The following ZNF841 variants were observed in gnomAD, a reference collection of about 807,000 sequenced individuals.
ZNF841 encodes the protein zinc finger protein 841, also known as TCONS_00006091.
In ZNF841, 11 loss-of-function variants were observed where a neutral mutation model predicts 13.0. The observed-to-expected ratio is 0.85, with a 90% CI of 0.53 to 1.40. ZNF841 has a LOEUF of 1.40. ZNF841 is among the 40% of genes most tolerant of loss of function. The probability of loss-of-function intolerance (pLI) is 0.00; values close to 1 mark genes in which losing one functional copy is unlikely to be tolerated. For missense variants in ZNF841, 1,068 were observed against 1,139.5 expected (o/e 0.94, Z 0.90); for synonymous variants, 369 against 381.6 (o/e 0.97, Z 0.38).
Position 52,065,070 on chromosome 19 carries a change from A to G in ZNF841, c.*37T>C. 7.0e-7 allele frequency: 1 copy of G among 1,434,046 alleles called. No homozygotes were observed. Among genetic ancestry groups the G allele is most frequent in the South Asian group, 1.5e-5 (1 of 64,800 alleles). 88.8% of individuals were successfully genotyped at this position (1,434,046 alleles called of 1,614,324 possible). A position where few individuals can be genotyped will look rare whatever the true frequency, so the allele number is the denominator to read the frequency against. Reference sequence around the variant, plus strand: ...CAATTCCACATGAGACTTCAAAGGGAAAGGACAAATATACAAGCTATATGA... The same window carrying G: ...CAATTCCACATGAGACTTCAAAGGGGAAGGACAAATATACAAGCTATATGA... On this transcript the variant is annotated 3_prime_UTR_variant, in exon 7 of 7. Coordinates refer to ENST00000594440, the MANE Select transcript of ZNF841 (RefSeq NM_001136499.2).
At chr19:52,082,563 C>G (rs1410447798) in intron 4 of ZNF841, among the ~76,000 whole-genome samples, 1 of 152,132 alleles carries the variant, frequency 6.6e-6, no homozygotes, top group East Asian at 1.9e-4. Flanking sequence ...CAAACATTTA[C>G]TTATTTTTGC....
At chr19:52,063,165 G>A (rs80200138), downstream of ZNF841, among the ~76,000 whole-genome samples, 3,161 of 151,528 alleles carry the variant, frequency 0.021, 57 homozygotes, top group Admixed American at 0.025. Context: ...GTGAGCCACC[G>A]CATCTGGCTG....
At chr19:52,091,541 A>G (rs1015774628) in intron 2 of ZNF841, among the ~76,000 whole-genome samples, 2 of 152,246 alleles carry the variant, frequency 1.3e-5, no homozygotes, top group African/African-American at 4.8e-5. Context: ...ACATGCACAT[A>G]TACAACTAGC....
the ZNF841 span, chr19:52,058,942 CTT>C: frequency 6.5e-6 from 1 of 153,060 alleles, no homozygotes; most frequent in East Asian, 2.0e-4. Flanking sequence ...TTATTATACA[CTT>C]TCCTAGAAAT....
intron 2 of ZNF841, among the ~76,000 whole-genome samples, chr19:52,090,695 GAAAGAAAGAAAGAGAA>G (rs2088460074): frequency 6.7e-6 from 1 of 149,580 alleles, no homozygotes; most frequent in Admixed American, 6.7e-5. Flanking sequence ...AAGAAAGAAA[GAAAGAAAGAAAGAGAA>G]AGAAAGAAAG....
chr19:52,062,699 T>C (rs1306115962), downstream of ZNF841, among the ~76,000 whole-genome samples: 2 of 152,144 alleles, frequency 1.3e-5, no homozygotes, highest in African/African-American at 4.8e-5. Flanking sequence ...ATATACTGAA[T>C]TGGCCATTTC....
chr19:52,066,974 A>T lies in ZNF841; in HGVS notation c.908T>A (p.Leu303Gln), dbSNP rs772944893. 22 of 1,614,146 alleles carry T rather than the reference A, an allele frequency of 1.4e-5. No individual in the cohort carries two copies. In the South Asian group the frequency reaches 2.3e-4, roughly 17 times the overall value. ...ATGGACTATCTGATGTACTGTTAGTAGTGAGCCCCGATGAAAGGCTTTACC... is the reference window on the plus strand; with the variant it reads ...ATGGACTATCTGATGTACTGTTAGTTGTGAGCCCCGATGAAAGGCTTTACC... ...ESGKAFHRGS[L>Q]LTVHQIVHTR... The change falls in exon 7 of 7, where the codon CTA becomes CAA. Residue 303 changes from leucine (L) to glutamine (Q), a missense_variant. Transcript: ENST00000594440.
At chr19:52,059,000 G>A in the ZNF841 span, 1 of 153,594 alleles carries the variant, frequency 6.5e-6, no homozygotes, top group Non-Finnish European at 1.5e-5. Context: ...TTGTACTTCA[G>A]TGAAAAACTT....
At chr19:52,090,647 G>GAAGA (rs2088443975) in intron 2 of ZNF841, among the ~76,000 whole-genome samples, 1 of 120,252 alleles carries the variant, frequency 8.3e-6, no homozygotes, top group South Asian at 3.3e-4. Flanking sequence ...AGGAAGGAAG[G>GAAGA]AAGGAAGGAA....
rs774266054 is a variant in ZNF841 at position 52,076,942 on chromosome 19, G to A, written c.142+16C>T. 2 of 1,610,774 alleles carry A rather than the reference G, an allele frequency of 1.2e-6. No individual in the cohort carries two copies. Among genetic ancestry groups the A allele is most frequent in the African/African-American group, 1.3e-5 (1 of 74,834 alleles). ...ACAAGGGAAGATCCTAACTTCTGGA[G>A]GAAAACTATCCTCACCCAGGAAGCC... is the stretch of plus-strand genomic sequence containing the variant. On this transcript the variant is annotated intron_variant, in intron 5 of 6. Transcript: ENST00000594440.
chr19:52,064,385 A>C (rs1242727331), downstream of ZNF841: 3 of 148,074 alleles, frequency 2.0e-5, no homozygotes, highest in African/African-American at 2.6e-5. Flanking sequence ...AAAAAAAAAA[A>C]AAAACTTAGC....
At position 52,084,891 on chromosome 19, in the gene ZNF841, AATATGTTGTTT is replaced by A; in HGVS notation, c.-77-24_-77-14del. 1.4e-6 allele frequency: 2 copies of A among 1,394,152 alleles called. No individual in the cohort carries two copies. Among genetic ancestry groups the A allele is most frequent in the Non-Finnish European group, 2.0e-6 (2 of 1,017,374 alleles). The allele number at this position is 1,394,152 out of a possible 1,614,324, so 86.4% of individuals were successfully genotyped here. On this transcript the variant is annotated splice_polypyrimidine_tract_variant and intron_variant, in intron 3 of 6. Transcript: ENST00000594440. ...TTAAAAGTCAAATCTGAAAGTCAAAAATATGTTGTTTAATCCTTGGAAACAACACATTCCTT... is the reference window on the plus strand; with the variant it reads ...TTAAAAGTCAAATCTGAAAGTCAAAAAATCCTTGGAAACAACACATTCCTT...
At chr19:52,091,875 C>T (rs1221311605) in intron 2 of ZNF841, among the ~76,000 whole-genome samples, 3 of 152,244 alleles carry the variant, frequency 2.0e-5, no homozygotes, top group African/African-American at 7.2e-5. Context: ...TTTGGCCAGG[C>T]GCAGTGGCTC....
intron 6 of ZNF841, 113 bp downstream of exon 6, chr19:52,075,931 T>G: frequency 7.2e-7 from 1 of 1,398,112 alleles, no homozygotes; most frequent in Non-Finnish European, 9.6e-7. Flanking sequence ...AGAAGAAAAC[T>G]TCTGGAGCTC....
chr19:52,059,370 A>AAAAAAATAT, the ZNF841 span, among the ~76,000 whole-genome samples: 6 of 69,646 alleles, frequency 8.6e-5, no homozygotes, highest in African/African-American at 4.9e-4. Flanking sequence ...AAAAAAAAAA[A>AAAAAAATAT]ATATATATAT....
chr19:52,090,697 AAGAAAGAAAG>A (rs1443916760), intron 2 of ZNF841, among the ~76,000 whole-genome samples: 5 of 150,566 alleles, frequency 3.3e-5, no homozygotes, highest in South Asian at 2.1e-4. Context: ...GAAAGAAAGA[AAGAAAGAAAG>A]AGAAAGAAAG....
At chr19:52,085,412 G>A (rs1166867417) in intron 3 of ZNF841, among the ~76,000 whole-genome samples, 1 of 152,202 alleles carries the variant, frequency 6.6e-6, no homozygotes, top group Non-Finnish European at 1.5e-5. Flanking sequence ...CTTAAAGGGG[G>A]CAAGACTAGC....
At chr19:52,080,727 G>A (rs1396421589) in intron 4 of ZNF841, among the ~76,000 whole-genome samples, 1 of 152,088 alleles carries the variant, frequency 6.6e-6, no homozygotes, top group East Asian at 1.9e-4. Context: ...CAGACAACAG[G>A]GGAGCTTCTG....
chr19:52,071,218 G>T (rs986611005), intron 6 of ZNF841, among the ~76,000 whole-genome samples: 10 of 152,290 alleles, frequency 6.6e-5, no homozygotes, highest in South Asian at 6.2e-4. Flanking sequence ...TATAATATTT[G>T]CTATGAAATT....
Sources: gnomAD v4.1 joint callset for allele counts (sites outside exome capture counted in the v4.1 genomes callset) on GRCh38, gnomAD v4.1.1 for gene constraint, MANE v1.5 for transcripts, NCBI Gene and HGNC (gene_info 2026-07-23, HGNC 2026-07-21) for gene names.